The following TENM3 variants were observed in gnomAD, a reference collection of about 807,000 sequenced individuals.
The protein encoded by TENM3 is teneurin-3.
TENM3 carries 63 observed loss-of-function variants against 255.1 expected under a neutral mutation model. The ratio of observed to expected loss-of-function variants is 0.25; its 90% CI spans 0.20 to 0.30. The LOEUF (loss-of-function observed/expected upper bound fraction) is 0.30, where lower values mean the gene tolerates loss of function less well. Ranked by LOEUF, TENM3 falls within the 10% of genes least tolerant of loss-of-function variation. The pLI is 1.00. For synonymous variants in TENM3, 1,306 were observed against 1,322.3 expected (o/e 0.99, Z 0.27); for missense variants, 2,929 against 3,461.1 (o/e 0.85, Z 3.86).
At chr4:182,619,409 A>G (rs1460068715) in intron 4 of TENM3, among the ~76,000 whole-genome samples, 1 of 151,460 alleles carries the variant, frequency 6.6e-6, no homozygotes, top group African/African-American at 2.4e-5. Context: ...CCAGCCTGGC[A>G]ACAGAGCAAG....
chr4:181,835,512 A>C, the TENM3 span, among the ~76,000 whole-genome samples: 7 of 152,350 alleles, frequency 4.6e-5, no homozygotes, highest in African/African-American at 1.7e-4. Context: ...AGTGATCACA[A>C]AAAGACAACT....
At chr4:182,156,194 A>G (rs1203380661) in intron 1 of TENM3, among the ~76,000 whole-genome samples, 2 of 152,166 alleles carry the variant, frequency 1.3e-5, no homozygotes, top group Non-Finnish European at 2.9e-5. Flanking sequence ...AAGAACTGCA[A>G]ATGTTAAAAC....
At chr4:182,290,525 G>C (rs1411767266) in intron 1 of TENM3, among the ~76,000 whole-genome samples, 1 of 152,136 alleles carries the variant, frequency 6.6e-6, no homozygotes, top group Middle Eastern at 3.2e-3. Flanking sequence ...TTTAATTTGA[G>C]ACAGTCTTGC....
At chr4:182,177,958 G>GTTTTTTTTTTTTTTGTT (rs1752606567) in intron 1 of TENM3, among the ~76,000 whole-genome samples, 1 of 117,132 alleles carries the variant, frequency 8.5e-6, no homozygotes, top group Non-Finnish European at 1.8e-5. Flanking sequence ...TTTGGTTTTT[G>GTTTTTTTTTTTTTTGTT]TTTTTTTTTT....
intron 13 of TENM3, among the ~76,000 whole-genome samples, chr4:182,727,329 G>A (rs953431055): frequency 6.6e-6 from 1 of 151,930 alleles, no homozygotes; most frequent in African/African-American, 2.4e-5. Flanking sequence ...GGTGGCAGGT[G>A]CCTTTAGTCC....
chr4:182,350,995 T>G (rs1003915212), intron 3 of TENM3, among the ~76,000 whole-genome samples: 6 of 152,186 alleles, frequency 3.9e-5, no homozygotes, highest in Admixed American at 6.5e-5. Flanking sequence ...TGACGTGTTG[T>G]TAAAAGAGCC....
chr4:181,941,374 C>CACTA, the TENM3 span, among the ~76,000 whole-genome samples: 1 of 151,266 alleles, frequency 6.6e-6, no homozygotes, highest in Non-Finnish European at 1.5e-5. Flanking sequence ...TTTCACTATG[C>CACTA]TGCATTCTGG....
the TENM3 span, among the ~76,000 whole-genome samples, chr4:181,822,467 G>T: frequency 2.0e-5 from 3 of 152,146 alleles, no homozygotes; most frequent in African/African-American, 7.2e-5. Context: ...AGTGTTATTT[G>T]TGTAATCCCT....
At chr4:181,845,220 A>T in the TENM3 span, among the ~76,000 whole-genome samples, 3 of 152,268 alleles carry the variant, frequency 2.0e-5, no homozygotes, top group Admixed American at 6.5e-5. Flanking sequence ...AGAATTTTTT[A>T]AAAAATATTT....
chr4:181,788,011 A>C, the TENM3 span, among the ~76,000 whole-genome samples: 26 of 152,088 alleles, frequency 1.7e-4, no homozygotes, highest in South Asian at 1.4e-3. Flanking sequence ...TACAAAGCCA[A>C]ACTGTAATCC....
At chr4:181,548,179 G>T in the TENM3 span, among the ~76,000 whole-genome samples, 4 of 152,212 alleles carry the variant, frequency 2.6e-5, no homozygotes, top group African/African-American at 9.7e-5. Context: ...TGGAGAGGAT[G>T]TGGAGAAATA....
At chr4:182,380,907 G>A (rs1424632042) in intron 3 of TENM3, among the ~76,000 whole-genome samples, 4 of 152,158 alleles carry the variant, frequency 2.6e-5, no homozygotes, top group Non-Finnish European at 2.9e-5. Flanking sequence ...TTGCCTTCCT[G>A]ACCTCATATG....
intron 1 of TENM3, among the ~76,000 whole-genome samples, chr4:182,257,352 C>T (rs553721538): frequency 3.3e-5 from 5 of 152,210 alleles, no homozygotes; most frequent in East Asian, 1.9e-4. Context: ...TTGCAAGTTA[C>T]GCAGTGGTGC....
intron 3 of TENM3, among the ~76,000 whole-genome samples, chr4:182,527,547 A>G (rs1739334709): frequency 1.3e-5 from 2 of 152,046 alleles, no homozygotes; most frequent in South Asian, 4.1e-4. Context: ...GTGGCATTTT[A>G]CCCTGTGTAA....
chr4:182,515,155 G>A (rs1514474), intron 3 of TENM3, among the ~76,000 whole-genome samples: 8 of 152,172 alleles, frequency 5.3e-5, no homozygotes, highest in Non-Finnish European at 1.0e-4. Flanking sequence ...GTTGCAATGG[G>A]TGGGAAAAAT....
At chr4:181,698,806 G>A in the TENM3 span, among the ~76,000 whole-genome samples, 1 of 152,144 alleles carries the variant, frequency 6.6e-6, no homozygotes, top group African/African-American at 2.4e-5. Flanking sequence ...CATTTAAAAA[G>A]TGATTTTCAA....
intron 1 of TENM3, among the ~76,000 whole-genome samples, chr4:182,155,542 G>T (rs1419015157): frequency 1.3e-5 from 2 of 152,072 alleles, no homozygotes; most frequent in Non-Finnish European, 2.9e-5. Context: ...CACTGTGCCA[G>T]TTGATTATTG....
chr4:182,692,038 A>C (rs1467530747), intron 12 of TENM3, among the ~76,000 whole-genome samples: 1 of 152,254 alleles, frequency 6.6e-6, no homozygotes, highest in Non-Finnish European at 1.5e-5. Flanking sequence ...AGACAAGTTA[A>C]AAATAAATAT....
At chr4:182,362,641 C>T (rs1338278073) in intron 3 of TENM3, among the ~76,000 whole-genome samples, 1 of 152,188 alleles carries the variant, frequency 6.6e-6, no homozygotes, top group Non-Finnish European at 1.5e-5. Context: ...CTTTCTTTGC[C>T]TAGGAAAGGG....
Sources: gnomAD v4.1 joint callset for allele counts (sites outside exome capture counted in the v4.1 genomes callset) on GRCh38, gnomAD v4.1.1 for gene constraint, MANE v1.5 for transcripts, NCBI Gene and HGNC (gene_info 2026-07-23, HGNC 2026-07-21) for gene names.